FGF14: variants seen among roughly 807,000 people sequenced by gnomAD.
FGF14 encodes fibroblast growth factor homologous factor 4.
A neutral mutation model predicts 25.5 loss-of-function variants in FGF14; 5 were observed. The ratio of observed to expected loss-of-function variants is 0.20; its 90% CI spans 0.10 to 0.41. The LOEUF (loss-of-function observed/expected upper bound fraction) is 0.41. Among genes scored for constraint, FGF14 ranks in the 10% least tolerant of loss-of-function variants. FGF14 has a pLI of 1.00. For missense variants in FGF14, 222 were observed against 320.1 expected, an observed-to-expected ratio of 0.69 and a Z score of 2.34; for synonymous variants, 138 against 118.3, an observed-to-expected ratio of 1.17 and a Z score of -1.08.
chr13:101,787,554 C>G (rs568795613), intron 3 of FGF14, among the ~76,000 whole-genome samples: 4 of 152,260 alleles, frequency 2.6e-5, no homozygotes, highest in South Asian at 4.2e-4. Context: ...GTTTCCTCAA[C>G]GCATAACCCT....
intron 1 of FGF14, among the ~76,000 whole-genome samples, chr13:101,970,373 T>C (rs1392195281): frequency 2.0e-5 from 3 of 152,246 alleles, no homozygotes; most frequent in Admixed American, 6.5e-5. Flanking sequence ...ATTTTTGAGA[T>C]TCTCTTGTAA....
rs139235485 is a variant in FGF14 at position 102,044,779 on chromosome 13, C to T, written c.209-169483G>A. Among the ~76,000 whole-genome samples, 189 of 152,224 alleles carry T rather than the reference C, an allele frequency of 1.2e-3. 2 individuals carry two copies. The highest frequency in any genetic ancestry group is 4.2e-3 in the African/African-American group (176 of 41,554). On this transcript the variant is annotated intron_variant, in intron 1 of 4. Transcript: ENST00000376131. ...GAAGAAAGATATACATCGTCAGTCC[C>T]CCACAACTTTCCAACATCAAAATTT...
chr13:101,971,522 C>A (rs1001175), intron 1 of FGF14, among the ~76,000 whole-genome samples: 1 of 151,906 alleles, frequency 6.6e-6, no homozygotes, highest in Non-Finnish European at 1.5e-5. Context: ...AGGCAAGCAC[C>A]ACCATGCCTG....
At chr13:102,109,176 C>T (rs926795308) in intron 1 of FGF14, among the ~76,000 whole-genome samples, 2 of 152,108 alleles carry the variant, frequency 1.3e-5, no homozygotes, top group African/African-American at 4.8e-5. Context: ...AGCTTTGATT[C>T]GAACTCAATT....
At chr13:102,300,938 TACACACAC>T (rs3066020) in intron 1 of FGF14, among the ~76,000 whole-genome samples, 27 of 76,876 alleles carry the variant, frequency 3.5e-4, no homozygotes, top group Non-Finnish European at 5.5e-4. Flanking sequence ...CACACACACA[TACACACAC>T]ACACACACAC....
chr13:102,092,545 A>G (rs1360752350), intron 1 of FGF14, among the ~76,000 whole-genome samples: 9 of 152,218 alleles, frequency 5.9e-5, no homozygotes, highest in Non-Finnish European at 1.2e-4. Flanking sequence ...CCACTTGGCA[A>G]AAGTCTCAAA....
chr13:101,744,475 C>T (rs1394912337), intron 3 of FGF14, among the ~76,000 whole-genome samples: 1 of 152,008 alleles, frequency 6.6e-6, no homozygotes, highest in Non-Finnish European at 1.5e-5. Context: ...GCATTATATT[C>T]AATTAGAGTG....
intron 1 of FGF14, among the ~76,000 whole-genome samples, chr13:102,275,719 G>A (rs2053504925): frequency 6.6e-6 from 1 of 152,090 alleles, no homozygotes; most frequent in Non-Finnish European, 1.5e-5. Flanking sequence ...TGAGTCCAAA[G>A]GATTCTGGAT....
chr13:102,087,727 A>G (rs1032013594), intron 1 of FGF14, among the ~76,000 whole-genome samples: 1 of 151,898 alleles, frequency 6.6e-6, no homozygotes, highest in Admixed American at 6.6e-5. Context: ...CCCAGCCCAG[A>G]CTGTAATTCT....
At position 101,716,245 on chromosome 13, in the gene FGF14, C is replaced by G. The variant is rs1270773138; in HGVS notation, c.*6586G>C. On this transcript the variant is annotated 3_prime_UTR_variant, in exon 5 of 5. Transcript: ENST00000376143. The stretch of plus-strand genomic sequence containing the variant: ...CATTTTAATATGGGGACAATGAAGA[C>G]AAGCACACAGGAGGTAGAATATCAG... The G allele has an allele frequency of 6.6e-6, 1 of 152,110 alleles. No individual in the cohort carries two copies. Among genetic ancestry groups the G allele is most frequent in the Non-Finnish European group, 1.5e-5 (1 of 68,034 alleles). 9.4% of individuals were successfully genotyped at this position (152,110 alleles called of 1,614,324 possible). A position where few individuals can be genotyped will look rare whatever the true frequency, so the allele number is the denominator to read the frequency against.
chr13:102,322,649 C>A (rs1232555709), intron 1 of FGF14, among the ~76,000 whole-genome samples: 1 of 152,090 alleles, frequency 6.6e-6, no homozygotes, highest in Non-Finnish European at 1.5e-5. Context: ...CCTTTTGGTA[C>A]AATTATCATC....
chr13:101,774,969 C>CAAAAAAAAAAAAAAAAAAA (rs1213093814), intron 3 of FGF14, among the ~76,000 whole-genome samples: 1 of 54,412 alleles, frequency 1.8e-5, no homozygotes, highest in Non-Finnish European at 4.2e-5. Flanking sequence ...AACTCCATCT[C>CAAAAAAAAAAAAAAAAAAA]AAAAAAAAAA....
chr13:101,987,632 G>C (rs1037519052), intron 1 of FGF14, among the ~76,000 whole-genome samples: 10 of 151,992 alleles, frequency 6.6e-5, no homozygotes, highest in Admixed American at 2.6e-4. Flanking sequence ...ACCTCCAAGA[G>C]AGCATAATTT....
chr13:102,276,068 A>G (rs2053522986), intron 1 of FGF14, among the ~76,000 whole-genome samples: 1 of 151,842 alleles, frequency 6.6e-6, no homozygotes, highest in African/African-American at 2.4e-5. Context: ...AATGACTATA[A>G]AAGTTAGTAA....
chr13:101,819,142 G>C (rs185292331), intron 3 of FGF14, among the ~76,000 whole-genome samples: 4 of 152,220 alleles, frequency 2.6e-5, no homozygotes, highest in African/African-American at 7.2e-5. Flanking sequence ...ATTTACAGTA[G>C]AGTAAACTAA....
intron 1 of FGF14, among the ~76,000 whole-genome samples, chr13:102,177,274 C>T (rs1359028856): frequency 6.6e-6 from 1 of 152,080 alleles, no homozygotes; most frequent in Non-Finnish European, 1.5e-5. Flanking sequence ...AAAAGATAGC[C>T]AGAGTTTGAG....
intron 1 of FGF14, among the ~76,000 whole-genome samples, chr13:101,949,800 ATGCTC>A (rs1378049348): frequency 6.6e-6 from 1 of 152,156 alleles, no homozygotes; most frequent in East Asian, 1.9e-4. Flanking sequence ...TTGTGGCAAT[ATGCTC>A]AACTCCAGGG....
intron 1 of FGF14, among the ~76,000 whole-genome samples, chr13:102,148,160 G>A (rs1425172591): frequency 6.6e-6 from 1 of 152,052 alleles, no homozygotes; most frequent in Admixed American, 6.6e-5. Context: ...TTTATCTTCT[G>A]TGCAGTTACT....
At chr13:101,824,465 G>C (rs367812699) in intron 3 of FGF14, among the ~76,000 whole-genome samples, 1 of 152,084 alleles carries the variant, frequency 6.6e-6, no homozygotes, top group South Asian at 2.1e-4. Flanking sequence ...CCTTTCTTGA[G>C]ATGATGTCTC....
Sources: allele counts gnomAD v4.1 joint callset (sites outside exome capture counted in the v4.1 genomes callset), GRCh38; gene constraint gnomAD v4.1.1; transcripts MANE v1.5; gene names NCBI Gene and HGNC (gene_info 2026-07-23, HGNC 2026-07-21).